The following CNTN5 variants were observed in gnomAD, a reference collection of about 807,000 sequenced individuals.
CNTN5 encodes contactin 5.
A neutral mutation model predicts 129.1 loss-of-function variants in CNTN5; 77 were observed. The ratio of observed to expected loss-of-function variants is 0.60; its 90% confidence interval spans 0.50 to 0.72. CNTN5 has a LOEUF of 0.72. Ranked by LOEUF, CNTN5 falls within the 30% of genes least tolerant of loss-of-function variation. The pLI is 0.00. For missense variants in CNTN5, 1,478 were observed against 1,328.8 expected, an observed-to-expected ratio of 1.11 and a Z score of -1.75; for synonymous variants, 509 against 465.6, an observed-to-expected ratio of 1.09 and a Z score of -1.20.
chr11:99,245,821 A>G (rs1861787339), intron 1 of CNTN5, among the ~76,000 whole-genome samples: 1 of 152,186 alleles, frequency 6.6e-6, no homozygotes, highest in South Asian at 2.1e-4. Flanking sequence ...TGTCTTGCGT[A>G]TCACAATATG....
chr11:100,214,045 T>G (rs1049984365), intron 15 of CNTN5, among the ~76,000 whole-genome samples: 2 of 152,122 alleles, frequency 1.3e-5, no homozygotes, highest in African/African-American at 4.8e-5. Flanking sequence ...TTACTAGTAT[T>G]GCCAAAAAAG....
chr11:100,292,530 G>T (rs1194424107), intron 18 of CNTN5, among the ~76,000 whole-genome samples: 1 of 151,958 alleles, frequency 6.6e-6, no homozygotes, highest in Non-Finnish European at 1.5e-5. Flanking sequence ...AGGTATTCTA[G>T]AAAACTCCGA....
intron 17 of CNTN5, among the ~76,000 whole-genome samples, chr11:100,260,225 C>T (rs910684448): frequency 1.3e-5 from 2 of 152,062 alleles, no homozygotes; most frequent in African/African-American, 4.8e-5. Context: ...GACATCTATA[C>T]CCTCCCAAGA....
chr11:99,638,188 A>C (rs1398667520), intron 3 of CNTN5, among the ~76,000 whole-genome samples: 2 of 152,166 alleles, frequency 1.3e-5, no homozygotes, highest in Admixed American at 1.3e-4. Flanking sequence ...AGAGAAAATG[A>C]GGAAGCAAAA....
chr11:100,056,698 T>G (rs550121040), intron 9 of CNTN5, among the ~76,000 whole-genome samples: 1 of 151,666 alleles, frequency 6.6e-6, no homozygotes, highest in Non-Finnish European at 1.5e-5. Flanking sequence ...GTCTGACAGA[T>G]CAGTGAAGAT....
intron 13 of CNTN5, among the ~76,000 whole-genome samples, chr11:100,089,451 T>C (rs893267846): frequency 6.6e-6 from 1 of 152,170 alleles, no homozygotes; most frequent in Non-Finnish European, 1.5e-5. Context: ...ACTTTTACAC[T>C]CTTGGTGAGA....
chr11:100,162,758 CT>C (rs1352265035), intron 13 of CNTN5, among the ~76,000 whole-genome samples: 1 of 151,804 alleles, frequency 6.6e-6, no homozygotes, highest in African/African-American at 2.4e-5. Flanking sequence ...GGTGCAAATG[CT>C]TTTTCCCTCT....
chr11:100,308,504 T>G (rs1339805454), intron 21 of CNTN5, 36 bp downstream of exon 21: 1 of 1,583,704 alleles, frequency 6.3e-7, no homozygotes, highest in Non-Finnish European at 8.6e-7. Flanking sequence ...GCCTTATTGT[T>G]TCTTCTGACA....
intron 13 of CNTN5, among the ~76,000 whole-genome samples, chr11:100,121,107 C>T (rs1946006721): frequency 6.6e-6 from 1 of 151,898 alleles, no homozygotes; most frequent in Non-Finnish European, 1.5e-5. Flanking sequence ...AGACCCAACT[C>T]ACTCAATGGG....
intron 8 of CNTN5, among the ~76,000 whole-genome samples, chr11:99,964,804 T>C (rs913053124): frequency 3.3e-5 from 5 of 152,190 alleles, no homozygotes; most frequent in African/African-American, 1.2e-4. Flanking sequence ...TTTTTTTTGG[T>C]TGGTAAGCTA....
chr11:99,684,739 T>G (rs1953712234), intron 3 of CNTN5, among the ~76,000 whole-genome samples: 1 of 151,782 alleles, frequency 6.6e-6, no homozygotes, highest in East Asian at 1.9e-4. Flanking sequence ...TTTTCGTATG[T>G]CTTGTCATAA....
chr11:99,917,615 A>C (rs1423034043), intron 7 of CNTN5, among the ~76,000 whole-genome samples: 2 of 152,096 alleles, frequency 1.3e-5, no homozygotes. Context: ...TAACAACATA[A>C]AGTGACCCCT....
intron 6 of CNTN5, among the ~76,000 whole-genome samples, chr11:99,894,112 T>A (rs1949135633): frequency 6.6e-6 from 1 of 152,138 alleles, no homozygotes; most frequent in African/African-American, 2.4e-5. Flanking sequence ...TAGTGACTGC[T>A]GTACTTACCA....
intron 16 of CNTN5, among the ~76,000 whole-genome samples, chr11:100,230,279 C>T (rs780573404): frequency 6.6e-6 from 1 of 152,074 alleles, no homozygotes; most frequent in Non-Finnish European, 1.5e-5. Flanking sequence ...TATTAGATCA[C>T]TATTATTGCT....
At chr11:99,448,547 A>G (rs1334956547) in intron 2 of CNTN5, among the ~76,000 whole-genome samples, 1 of 151,888 alleles carries the variant, frequency 6.6e-6, no homozygotes, top group Non-Finnish European at 1.5e-5. Context: ...TATGTTGAAA[A>G]AGGTAAAACT....
intron 21 of CNTN5, among the ~76,000 whole-genome samples, chr11:100,311,444 C>G (rs1367205486): frequency 6.6e-6 from 1 of 150,992 alleles, no homozygotes; most frequent in East Asian, 2.0e-4. Flanking sequence ...TCAAGCAGGT[C>G]TTAAGTTAAG....
intron 17 of CNTN5, among the ~76,000 whole-genome samples, chr11:100,256,762 C>A (rs1229500513): frequency 6.6e-6 from 1 of 152,052 alleles, no homozygotes; most frequent in Non-Finnish European, 1.5e-5. Context: ...GAACAGTGCA[C>A]ACCAGCCCAG....
At chr11:100,227,721 C>A (rs1043239403) in intron 16 of CNTN5, among the ~76,000 whole-genome samples, 1 of 152,050 alleles carries the variant, frequency 6.6e-6, no homozygotes, top group Non-Finnish European at 1.5e-5. Flanking sequence ...GAAATTAAAG[C>A]CACACCTGGA....
intron 3 of CNTN5, among the ~76,000 whole-genome samples, chr11:99,778,033 A>C (rs561057960): frequency 6.6e-6 from 1 of 152,010 alleles, no homozygotes; most frequent in Non-Finnish European, 1.5e-5. Flanking sequence ...TAGGTTATAT[A>C]ACCATATATG....
Sources: allele counts gnomAD v4.1 joint callset (sites outside exome capture counted in the v4.1 genomes callset), GRCh38; gene constraint gnomAD v4.1.1; transcripts MANE v1.5; gene names NCBI Gene and HGNC (gene_info 2026-07-23, HGNC 2026-07-21).